The following ROBO2 variants were observed in gnomAD, a reference collection of about 807,000 sequenced individuals.
ROBO2 encodes the protein roundabout guidance receptor 2, also known as roundabout homolog 2.
In ROBO2, 53 loss-of-function variants were observed where a neutral mutation model predicts 160.8. That is an observed-to-expected ratio of 0.33 (90% confidence interval 0.26 to 0.41). The LOEUF (loss-of-function observed/expected upper bound fraction) is 0.41. Ranked by LOEUF, ROBO2 falls within the 10% of genes least tolerant of loss-of-function variation. The pLI is 1.00. For synonymous variants in ROBO2, 664 were observed against 611.7 expected, an observed-to-expected ratio of 1.09 and a Z score of -1.26; for missense variants, 1,577 against 1,722.4, an observed-to-expected ratio of 0.92 and a Z score of 1.49.
At chr3:77,181,832 A>G (rs182853423) in intron 2 of ROBO2, among the ~76,000 whole-genome samples, 1 of 152,210 alleles carries the variant, frequency 6.6e-6, no homozygotes, top group Non-Finnish European at 1.5e-5. Context: ...TCTCATATCA[A>G]TTACGTAACA....
intron 2 of ROBO2, among the ~76,000 whole-genome samples, chr3:77,270,367 A>G (rs2059409324): frequency 6.6e-6 from 1 of 152,222 alleles, no homozygotes; most frequent in East Asian, 1.9e-4. Flanking sequence ...ACATTCAGAA[A>G]CATTCAATTA....
chr3:77,576,194 GCAAT>G (rs2093758426), intron 14 of ROBO2, among the ~76,000 whole-genome samples: 1 of 152,080 alleles, frequency 6.6e-6, no homozygotes, highest in Non-Finnish European at 1.5e-5. Flanking sequence ...ATATTTTGGA[GCAAT>G]ATTGTCACAA....
intron 2 of ROBO2, among the ~76,000 whole-genome samples, chr3:76,704,534 G>A (rs977459101): frequency 2.6e-5 from 4 of 152,054 alleles, no homozygotes; most frequent in Admixed American, 6.6e-5. Context: ...GGGGTAACAC[G>A]ATGAATCATA....
At chr3:77,465,489 A>G (rs1184210402) in intron 2 of ROBO2, among the ~76,000 whole-genome samples, 2 of 152,140 alleles carry the variant, frequency 1.3e-5, no homozygotes, top group East Asian at 1.9e-4. Context: ...GAATAGATAT[A>G]TAGCTAGAGA....
At chr3:77,360,704 T>C (rs2069838199) in intron 2 of ROBO2, among the ~76,000 whole-genome samples, 1 of 152,028 alleles carries the variant, frequency 6.6e-6, no homozygotes, top group Non-Finnish European at 1.5e-5. Context: ...AGAAGCCAAG[T>C]AGTTTTTATG....
intron 2 of ROBO2, among the ~76,000 whole-genome samples, chr3:77,250,710 G>GTGT (rs2090245200): frequency 6.6e-6 from 1 of 152,154 alleles, no homozygotes; most frequent in Non-Finnish European, 1.5e-5. Context: ...GATGCATCTG[G>GTGT]TGTTGGCCTT....
intron 2 of ROBO2, among the ~76,000 whole-genome samples, chr3:77,374,865 G>T (rs752119963): frequency 5.9e-5 from 9 of 152,142 alleles, no homozygotes; most frequent in Non-Finnish European, 8.8e-5. Flanking sequence ...ACTATAAAAA[G>T]ATATTTTAAA....
intron 2 of ROBO2, among the ~76,000 whole-genome samples, chr3:76,441,024 G>T (rs1227405530): frequency 6.6e-6 from 1 of 151,984 alleles, no homozygotes; most frequent in African/African-American, 2.4e-5. Flanking sequence ...TGTTTAAAGG[G>T]TATGTGTTAT....
intron 2 of ROBO2, among the ~76,000 whole-genome samples, chr3:76,174,388 T>C (rs1369679736): frequency 6.6e-6 from 1 of 152,188 alleles, no homozygotes; most frequent in African/African-American, 2.4e-5. Flanking sequence ...TTTGTCAATT[T>C]TGTCTTTTGT....
At chr3:77,312,480 T>A (rs1225882700) in intron 2 of ROBO2, among the ~76,000 whole-genome samples, 1 of 152,240 alleles carries the variant, frequency 6.6e-6, no homozygotes, top group East Asian at 1.9e-4. Flanking sequence ...AGCAAGTGAA[T>A]GAGGGTGTTT....
chr3:77,191,820 G>A (rs2081881570), intron 2 of ROBO2, among the ~76,000 whole-genome samples: 1 of 152,100 alleles, frequency 6.6e-6, no homozygotes, highest in African/African-American at 2.4e-5. Context: ...TAGTTTATTT[G>A]AAAATCCTTA....
In ROBO2 at chr3:77,319,126, C is replaced by T. The variant is rs189889036; in HGVS notation, c.389-158288C>T. On this transcript the variant is annotated intron_variant, in intron 2 of 25. Coordinates refer to ENST00000461745, the Ensembl canonical transcript of ROBO2. ...TTTTAATCTGCTCTTACCATATTGA[C>T]AATATGGGCAATGGCTAAGTCCATT... Among the ~76,000 whole-genome samples the T allele has an allele frequency of 2.0e-3, 301 of 152,172 alleles. 1 individual carries two copies. Among genetic ancestry groups the T allele is most frequent in the South Asian group, 4.1e-3 (20 of 4,828 alleles).
At chr3:77,036,411 G>T (rs2063640800), upstream of ROBO2, among the ~76,000 whole-genome samples, 1 of 151,880 alleles carries the variant, frequency 6.6e-6, no homozygotes, top group Non-Finnish European at 1.5e-5. Flanking sequence ...GTGGATTAGG[G>T]TTTTGCAGTT....
rs1553882798 is a variant in ROBO2, at chr3:77,277,149, C to CTTCCTTCCTTCT, written c.388+178812_388+178813insCTTCCTTCTTTC. 5.9e-3 allele frequency among the ~76,000 whole-genome samples: 590 copies of CTTCCTTCCTTCT among 99,734 alleles called. 8 individuals are homozygous for CTTCCTTCCTTCT. Among genetic ancestry groups the CTTCCTTCCTTCT allele is most frequent in the Admixed American group, 0.018 (165 of 9,108 alleles). The allele number at this position is 99,734 out of a possible 152,430, so 65.4% of individuals were successfully genotyped here. Reference sequence around the variant, plus strand: ...CCTTCCTTCCTTTCTTCCTTCTTTCCTTCTTTCCTTCTTTCTTTCTTTCTT... The same window carrying CTTCCTTCCTTCT: ...CCTTCCTTCCTTTCTTCCTTCTTTCCTTCCTTCCTTCTTTCTTTCCTTCTTTCTTTCTTTCTT... On this transcript the variant is annotated intron_variant, in intron 2 of 25. Coordinates refer to ENST00000461745, the Ensembl canonical transcript of ROBO2.
rs541585277 is a variant in ROBO2, at chr3:76,827,869, T to G, written c.110-270145T>G. Among the ~76,000 whole-genome samples the G allele has an allele frequency of 3.9e-5, 6 of 152,244 alleles. No individual in the cohort carries two copies. The South Asian group carries it at 1.2e-3, about 32-fold the overall frequency. ...TGCTGTGATTTTACTACCTCACAGA[T>G]TACTTTAAGATTGTAAAGTTACATA... On this transcript the variant is annotated intron_variant, in intron 2 of 26. Transcript: ENST00000487694.
chr3:77,558,253 C>T (rs2093197660), intron 9 of ROBO2, 104 bp downstream of exon 10: 2 of 910,296 alleles, frequency 2.2e-6, no homozygotes. Context: ...AGTATAATTG[C>T]TGCACGTTTA....
chr3:76,817,827 C>CT (rs78546104), intron 2 of ROBO2, among the ~76,000 whole-genome samples: 3,227 of 129,358 alleles, frequency 0.025, 88 homozygotes, highest in African/African-American at 0.066. Context: ...TATTTCATTC[C>CT]TTTTTTTTTT....
intron 5 of ROBO2, among the ~76,000 whole-genome samples, chr3:77,517,360 T>C (rs1456930938): frequency 6.6e-6 from 1 of 151,376 alleles, no homozygotes; most frequent in East Asian, 2.0e-4. Flanking sequence ...ATTGAACAAG[T>C]AGAAGAGAAG....
intron 2 of ROBO2, among the ~76,000 whole-genome samples, chr3:77,219,241 A>T (rs2085396541): frequency 6.6e-6 from 1 of 151,628 alleles, no homozygotes; most frequent in Admixed American, 6.6e-5. Flanking sequence ...CAGTGCTGAG[A>T]TTACAGACAG....
Sources: allele counts gnomAD v4.1 joint callset (sites outside exome capture counted in the v4.1 genomes callset), GRCh38; gene constraint gnomAD v4.1.1; transcripts MANE v1.5; gene names NCBI Gene and HGNC (gene_info 2026-07-23, HGNC 2026-07-21).